The following ANKRD30BL variants were observed in gnomAD, a reference collection of about 807,000 sequenced individuals.
The protein encoded by ANKRD30BL is putative ankyrin repeat domain-containing protein 30B-like.
A neutral mutation model predicts 18.4 loss-of-function variants in ANKRD30BL; 20 were observed. That is an observed-to-expected ratio of 1.09 (90% CI 0.77 to 1.58). The LOEUF (loss-of-function observed/expected upper bound fraction) is 1.58. ANKRD30BL is among the 40% of genes most tolerant of loss of function. The pLI, the probability that ANKRD30BL is intolerant of heterozygous loss-of-function variation, is 0.00. For missense variants in ANKRD30BL, 224 were observed against 268.6 expected (o/e 0.83, Z 1.16); for synonymous variants, 72 against 100.9 (o/e 0.71, Z 1.72).
At chr2:132,205,057 C>T (rs927908203) in intron 1 of ANKRD30BL, among the ~76,000 whole-genome samples, 8 of 152,168 alleles carry the variant, frequency 5.3e-5, no homozygotes, top group African/African-American at 1.9e-4. Flanking sequence ...ATTTTATACA[C>T]ATATGAATAC....
At chr2:132,148,343 T>C (rs1687664390) in intron 5 of ANKRD30BL, 115 bp from the exon 6 acceptor site, 1 of 639,526 alleles carries the variant, frequency 1.6e-6, no homozygotes, top group Non-Finnish European at 2.6e-6. Flanking sequence ...ACCAAACTTT[T>C]GTTTTCTCCT....
chr2:132,190,952 A>C (rs1294768712), intron 1 of ANKRD30BL, among the ~76,000 whole-genome samples: 1 of 152,156 alleles, frequency 6.6e-6, no homozygotes. Flanking sequence ...TTAGAATCTA[A>C]TAAATTTTAA....
At chr2:132,217,837 C>T (rs1573854264) in intron 1 of ANKRD30BL, among the ~76,000 whole-genome samples, 2 of 152,412 alleles carry the variant, frequency 1.3e-5, no homozygotes, top group East Asian at 1.9e-4. Context: ...GCATTCAACT[C>T]ACAGAGTTGA....
At chr2:132,236,456 T>C (rs1680154237) in intron 1 of ANKRD30BL, among the ~76,000 whole-genome samples, 1 of 151,986 alleles carries the variant, frequency 6.6e-6, no homozygotes, top group African/African-American at 2.4e-5. Context: ...CATCAAAAAG[T>C]GGGCAAAGGA....
chr2:132,195,586 T>A (rs1678946176), intron 1 of ANKRD30BL, among the ~76,000 whole-genome samples: 1 of 146,188 alleles, frequency 6.8e-6, no homozygotes, highest in South Asian at 2.2e-4. Flanking sequence ...AGGTCGGGAG[T>A]TCAAGACCAG....
At chr2:132,198,275 TC>T (rs1679008174) in intron 1 of ANKRD30BL, among the ~76,000 whole-genome samples, 2 of 28,472 alleles carry the variant, frequency 7.0e-5, no homozygotes, top group African/African-American at 3.2e-4. Context: ...TTCTTTTCTT[TC>T]TTTCTTTCTT....
intron 1 of ANKRD30BL, among the ~76,000 whole-genome samples, chr2:132,184,477 T>C (rs1185035884): frequency 6.6e-6 from 1 of 152,232 alleles, no homozygotes; most frequent in African/African-American, 2.4e-5. Flanking sequence ...TCACACATTC[T>C]TGTTATATTC....
intron 1 of ANKRD30BL, among the ~76,000 whole-genome samples, chr2:132,188,713 AAACAACAAC>A (rs72500297): frequency 0.034 from 5,151 of 151,586 alleles, 281 homozygotes; most frequent in African/African-American, 0.12. Flanking sequence ...CTGTCTCAGA[AAACAACAAC>A]AACAACAACA....
intron 1 of ANKRD30BL, among the ~76,000 whole-genome samples, chr2:132,177,773 G>T (rs1183033335): frequency 6.6e-6 from 1 of 152,098 alleles, no homozygotes; most frequent in Non-Finnish European, 1.5e-5. Flanking sequence ...GAGACAAAAA[G>T]AACAAGTTTA....
intron 1 of ANKRD30BL, among the ~76,000 whole-genome samples, chr2:132,222,043 C>T (rs1447481231): frequency 1.1e-4 from 5 of 44,448 alleles, no homozygotes; most frequent in Non-Finnish European, 1.9e-4. Context: ...GGGAGGGAGG[C>T]GGGGGGGGGG....
intron 1 of ANKRD30BL, among the ~76,000 whole-genome samples, chr2:132,178,890 G>T (rs887529165): frequency 7.2e-5 from 11 of 151,788 alleles, no homozygotes; most frequent in African/African-American, 2.7e-4. Context: ...GTAAGGAAAT[G>T]AAATAATTTG....
intron 1 of ANKRD30BL, among the ~76,000 whole-genome samples, chr2:132,227,512 G>T (rs1679879073): frequency 6.6e-6 from 1 of 151,724 alleles, no homozygotes; most frequent in East Asian, 1.9e-4. Flanking sequence ...TGGATATTAG[G>T]TACCCCTTGA....
chr2:132,191,961 G>T (rs910598902), intron 1 of ANKRD30BL, among the ~76,000 whole-genome samples: 1 of 151,950 alleles, frequency 6.6e-6, no homozygotes, highest in African/African-American at 2.4e-5. Context: ...AGCCAGGATT[G>T]TCTCGATCTC....
chr2:132,257,466 G>T (rs796830957), intron 1 of ANKRD30BL: 1 of 275,038 alleles, frequency 3.6e-6, no homozygotes, highest in Non-Finnish European at 7.0e-6. Context: ...CACACAGTAG[G>T]CGACGAGCTT....
At chr2:132,232,153 A>G (rs1680039594) in intron 1 of ANKRD30BL, among the ~76,000 whole-genome samples, 1 of 152,256 alleles carries the variant, frequency 6.6e-6, no homozygotes, top group Non-Finnish European at 1.5e-5. Context: ...ACTAACAAAC[A>G]GAAAGGACAT....
intron 1 of ANKRD30BL, among the ~76,000 whole-genome samples, chr2:132,177,867 T>A (rs1688392779): frequency 6.6e-6 from 1 of 152,212 alleles, no homozygotes; most frequent in Non-Finnish European, 1.5e-5. Flanking sequence ...CTGGCTTTCA[T>A]GGGAATTTTT....
At chr2:132,203,020 T>G (rs1402506778) in intron 1 of ANKRD30BL, among the ~76,000 whole-genome samples, 1 of 152,246 alleles carries the variant, frequency 6.6e-6, no homozygotes, top group Non-Finnish European at 1.5e-5. Flanking sequence ...CAGTTCATAA[T>G]GTAAGGGGGA....
intron 1 of ANKRD30BL, among the ~76,000 whole-genome samples, chr2:132,221,553 C>G: frequency 7.6e-6 from 1 of 131,494 alleles, no homozygotes; most frequent in African/African-American, 3.3e-5. Flanking sequence ...GTGGGGGGGT[C>G]AGCCCCCCGC....
At chr2:132,172,470 G>A (rs1688299117) in intron 1 of ANKRD30BL, among the ~76,000 whole-genome samples, 1 of 152,078 alleles carries the variant, frequency 6.6e-6, no homozygotes. Context: ...TTTTTCTAAT[G>A]CTAGTGATAT....
Sources: allele counts gnomAD v4.1 joint callset (sites outside exome capture counted in the v4.1 genomes callset), GRCh38; gene constraint gnomAD v4.1.1; transcripts MANE v1.5; gene names NCBI Gene and HGNC (gene_info 2026-07-23, HGNC 2026-07-21).